The following ERBB4 variants were observed in gnomAD, a reference collection of about 807,000 sequenced individuals.
ERBB4 encodes the protein receptor tyrosine-protein kinase erbB-4.
ERBB4 carries 42 observed loss-of-function variants against 158.0 expected under a neutral mutation model. That is an observed-to-expected ratio of 0.27 (90% CI 0.21 to 0.34). The LOEUF (loss-of-function observed/expected upper bound fraction) is 0.34, where lower values mean the gene tolerates loss of function less well. ERBB4 is among the 10% of genes least tolerant of loss of function. The pLI is 1.00. For synonymous variants in ERBB4, 583 were observed against 558.7 expected (o/e 1.04, Z -0.61); for missense variants, 1,333 against 1,624.1 (o/e 0.82, Z 3.08).
At chr2:212,410,835 A>G (rs1266056496) in intron 1 of ERBB4, among the ~76,000 whole-genome samples, 2 of 152,086 alleles carry the variant, frequency 1.3e-5, no homozygotes, top group Non-Finnish European at 2.9e-5. Context: ...CATGTACACA[A>G]ACACACACAT....
intron 1 of ERBB4, among the ~76,000 whole-genome samples, chr2:212,537,146 GC>G (rs1483143202): frequency 2.6e-3 from 336 of 128,970 alleles, no homozygotes; most frequent in African/African-American, 0.012. Flanking sequence ...GGCGGCGGCG[GC>G]GGCGGCGGAG....
chr2:212,014,551 T>C (rs573163867), intron 2 of ERBB4, among the ~76,000 whole-genome samples: 25 of 152,318 alleles, frequency 1.6e-4, no homozygotes, highest in East Asian at 1.9e-4. Context: ...GAGTGGTCAA[T>C]GACATTTAGA....
intron 2 of ERBB4, among the ~76,000 whole-genome samples, chr2:212,041,094 A>G (rs2077130202): frequency 6.6e-6 from 1 of 152,120 alleles, no homozygotes; most frequent in Admixed American, 6.6e-5. Context: ...TCTCTGCCTC[A>G]GTACGTACTT....
chr2:211,810,587 C>T (rs965048654), intron 3 of ERBB4, among the ~76,000 whole-genome samples: 4 of 150,680 alleles, frequency 2.7e-5, no homozygotes, highest in Admixed American at 1.3e-4. Context: ...ATGTGTGTCT[C>T]TGCATGTGAG....
chr2:212,500,196 C>T (rs1690808788), intron 1 of ERBB4, among the ~76,000 whole-genome samples: 1 of 152,036 alleles, frequency 6.6e-6, no homozygotes, highest in Non-Finnish European at 1.5e-5. Flanking sequence ...TTCACTGAAG[C>T]AGTTTATTCA....
intron 7 of ERBB4, among the ~76,000 whole-genome samples, chr2:211,714,394 C>A (rs2073826629): frequency 6.6e-6 from 1 of 152,170 alleles, no homozygotes; most frequent in East Asian, 1.9e-4. Flanking sequence ...GAATATTGTT[C>A]TGGCACAATA....
chr2:211,553,134 A>G (rs562056694), intron 20 of ERBB4, among the ~76,000 whole-genome samples: 4 of 151,522 alleles, frequency 2.6e-5, no homozygotes, highest in Non-Finnish European at 5.9e-5. Context: ...ACGCCCGGCT[A>G]ATTTTTGTAT....
At chr2:212,076,507 C>T (rs1183105562) in intron 2 of ERBB4, among the ~76,000 whole-genome samples, 1 of 151,816 alleles carries the variant, frequency 6.6e-6, no homozygotes, top group East Asian at 1.9e-4. Flanking sequence ...TTCCTGACAA[C>T]TTACTTTGTG....
chr2:211,506,502 C>CAT (rs2065754900), intron 20 of ERBB4, among the ~76,000 whole-genome samples: 1 of 151,910 alleles, frequency 6.6e-6, no homozygotes, highest in South Asian at 2.1e-4. Flanking sequence ...TAAAACTGAT[C>CAT]ATATGCTTGG....
At chr2:212,014,433 C>G (rs1422728925) in intron 2 of ERBB4, among the ~76,000 whole-genome samples, 1 of 152,072 alleles carries the variant, frequency 6.6e-6, no homozygotes, top group South Asian at 2.1e-4. Flanking sequence ...GTGAAAATGA[C>G]TTAAAATGAA....
chr2:212,283,080 G>A (rs2085820713), intron 1 of ERBB4, among the ~76,000 whole-genome samples: 1 of 151,768 alleles, frequency 6.6e-6, no homozygotes, highest in African/African-American at 2.4e-5. Flanking sequence ...TTTCATTAAA[G>A]AATAAAGCAA....
At chr2:211,800,583 T>C (rs887548519) in intron 3 of ERBB4, among the ~76,000 whole-genome samples, 2 of 152,020 alleles carry the variant, frequency 1.3e-5, no homozygotes, top group Admixed American at 6.6e-5. Context: ...CTGAAGTCCT[T>C]TTTGAAAATA....
intron 1 of ERBB4, among the ~76,000 whole-genome samples, chr2:212,461,048 G>C (rs937585299): frequency 7.2e-5 from 11 of 152,166 alleles, no homozygotes; most frequent in Non-Finnish European, 1.6e-4. Context: ...CCTGGATGTC[G>C]AGGTAGAAGT....
intron 3 of ERBB4, among the ~76,000 whole-genome samples, chr2:211,880,937 A>G (rs1424897356): frequency 6.6e-6 from 1 of 152,216 alleles, no homozygotes; most frequent in African/African-American, 2.4e-5. Flanking sequence ...GTAATATCCA[A>G]TGCCACAGAC....
intron 3 of ERBB4, among the ~76,000 whole-genome samples, chr2:211,843,022 A>G (rs1427466819): frequency 1.3e-5 from 2 of 152,180 alleles, no homozygotes; most frequent in African/African-American, 4.8e-5. Flanking sequence ...TGATGTTTAT[A>G]ATAGAGACTC....
chr2:211,488,051 T>C (rs1367388211), intron 20 of ERBB4, among the ~76,000 whole-genome samples: 1 of 151,152 alleles, frequency 6.6e-6, no homozygotes, highest in Non-Finnish European at 1.5e-5. Context: ...ACAGAGTGCT[T>C]CCCTGGAAGA....
rs550247661 is a variant in ERBB4 at position 211,517,039 on chromosome 2, C to T, written c.2487+44864G>A. On this transcript the variant is annotated intron_variant, in intron 20 of 27. Coordinates refer to ENST00000342788, the MANE Select transcript of ERBB4 (RefSeq NM_005235.3). ...TGCTCCTACAGTGGAAAAAGCTATT[C>T]ACTTAGGAGTAGGTAAACAGCAAAT... Among the ~76,000 whole-genome samples the T allele has an allele frequency of 1.9e-4, 29 of 152,250 alleles. 1 individual carries two copies. Among genetic ancestry groups the T allele is most frequent in the African/African-American group, 6.7e-4 (28 of 41,556 alleles).
chr2:212,042,215 T>G (rs2077157923), intron 2 of ERBB4, among the ~76,000 whole-genome samples: 1 of 152,108 alleles, frequency 6.6e-6, no homozygotes, highest in African/African-American at 2.4e-5. Flanking sequence ...TTTATTTTCA[T>G]TTTGGTTCTA....
rs549006789 is a variant in ERBB4 at position 211,612,010 on chromosome 2, C to T, written c.2301+7167G>A. 6.6e-5 allele frequency among the ~76,000 whole-genome samples: 10 copies of T among 152,208 alleles called. No homozygotes were observed. In the East Asian group the frequency reaches 1.4e-3, roughly 21 times the overall value. On this transcript the variant is annotated intron_variant, in intron 19 of 27. Transcript: ENST00000342788. ...AGGGTACATGAATACCATGTCAAAA[C>T]GGAAGGTCTAGTTCTCTGTGTTTCA...
Sources: allele counts gnomAD v4.1 joint callset (sites outside exome capture counted in the v4.1 genomes callset), GRCh38; gene constraint gnomAD v4.1.1; transcripts MANE v1.5; gene names NCBI Gene and HGNC (gene_info 2026-07-23, HGNC 2026-07-21).